ARMCX4: variants seen among roughly 807,000 people sequenced by gnomAD.
ARMCX4 encodes the protein armadillo repeat containing X-linked 4, also known as armadillo repeat-containing X-linked protein 4.
A neutral mutation model predicts 34.7 loss-of-function variants in ARMCX4; 3 were observed. That is an observed-to-expected ratio of 0.09 (90% CI 0.04 to 0.22). ARMCX4 has a LOEUF of 0.22. Among genes scored for constraint, ARMCX4 ranks in the 10% least tolerant of loss-of-function variants. The pLI is 1.00. For missense variants in ARMCX4, 1,448 were observed against 1,720.8 expected (o/e 0.84, Z 2.81); for synonymous variants, 513 against 632.8 (o/e 0.81, Z 2.84).
At chrX:101,528,172 G>A (rs1680437110) in intron 11 of ARMCX4, among the ~76,000 whole-genome samples, 1 of 111,753 alleles carries the variant, frequency 8.9e-6, no homozygotes, top group Admixed American at 9.5e-5. Flanking sequence ...TGCAAGCCTG[G>A]TTCAACATAT....
chrX:101,438,223 C>T (rs1352329000), intron 2 of ARMCX4, among the ~76,000 whole-genome samples: 10 of 111,050 alleles, frequency 9.0e-5, no homozygotes, highest in Non-Finnish European at 1.9e-4. Context: ...TCCTTGTTAA[C>T]TTTCTGTCTC....
Position 101,438,249 on chromosome X carries a change from G to A in ARMCX4, n.165-5803G>A, listed in dbSNP as rs189655530. On this transcript the variant is annotated intron_variant and non_coding_transcript_variant, in intron 2 of 3. Transcript: ENST00000430461. ...TTTCTGTCTCGTTGATCTGTCTAAT[G>A]TTGACAGTGGGGTGTTAAAGTCTCC... Among the ~76,000 whole-genome samples the A allele has an allele frequency of 8.7e-3, 972 of 111,531 alleles. 8 individuals are homozygous for A. Among genetic ancestry groups the A allele is most frequent in the South Asian group, 0.041 (107 of 2,635 alleles).
chrX:101,465,450 C>T (rs1379263160), intron 4 of ARMCX4, among the ~76,000 whole-genome samples: 5 of 111,862 alleles, frequency 4.5e-5, no homozygotes, highest in Admixed American at 9.5e-5. Context: ...AGGGACATTT[C>T]GTAATGATAA....
intron 2 of ARMCX4, among the ~76,000 whole-genome samples, chrX:101,434,415 T>A (rs1930548708): frequency 9.1e-6 from 1 of 110,104 alleles, no homozygotes; most frequent in Non-Finnish European, 1.9e-5. Context: ...GCCTGGCTAA[T>A]TTTTTGTATT....
chrX:101,497,884 C>T (rs1426733379), downstream of ARMCX4, among the ~76,000 whole-genome samples: 1 of 111,858 alleles, frequency 8.9e-6, no homozygotes, highest in African/African-American at 3.3e-5. Context: ...GTGGATTCTA[C>T]CATCTGCTGC....
intron 2 of ARMCX4, among the ~76,000 whole-genome samples, chrX:101,435,700 A>G (rs1412271687): frequency 3.6e-4 from 39 of 108,355 alleles, no homozygotes; most frequent in Non-Finnish European, 5.0e-4. Flanking sequence ...TTGGTGTTTT[A>G]GACATGAAGT....
At chrX:101,467,636 A>G (rs1932816347) in intron 4 of ARMCX4, among the ~76,000 whole-genome samples, 1 of 112,016 alleles carries the variant, frequency 8.9e-6, no homozygotes, top group South Asian at 3.7e-4. Flanking sequence ...GCATCCATCC[A>G]TGATCCTTTT....
upstream of ARMCX4, among the ~76,000 whole-genome samples, chrX:101,482,332 A>C (rs1410755055): frequency 8.9e-6 from 1 of 111,809 alleles, no homozygotes; most frequent in Non-Finnish European, 1.9e-5. Context: ...GGTAACTGTG[A>C]TTTGGGTGAG....
chrX:101,494,086 G>GCTGGGA lies in ARMCX4; in HGVS notation c.5500_5501insGGACTG (p.Ala1833_Glu1834insGlyThr), dbSNP rs1934106837. 1.1e-6 allele frequency: 1 copy of GCTGGGA among 937,459 alleles called. No individual in the cohort carries two copies. Among genetic ancestry groups the GCTGGGA allele is most frequent in the Non-Finnish European group, 1.4e-6 (1 of 708,559 alleles). The allele number at this position is 937,459 out of a possible 1,213,427, so 77.3% of individuals were successfully genotyped here. Reference sequence around the variant, plus strand: ...GGCTGGGGCTGGGGCTGAGGCTGGGGCTGAGGCTGGGGCTGGGGCTGGGGC... The same window carrying GCTGGGA: ...GGCTGGGGCTGGGGCTGAGGCTGGGGCTGGGACTGAGGCTGGGGCTGGGGCTGGGGC... On this transcript the variant is annotated inframe_insertion, in exon 6 of 6. Transcript: ENST00000423738.
intron 2 of ARMCX4, among the ~76,000 whole-genome samples, chrX:101,420,004 C>T (rs1555989748): frequency 1.8e-5 from 2 of 112,248 alleles, no homozygotes; most frequent in Admixed American, 1.9e-4. Context: ...GCGGAAGGCA[C>T]TCTCAGACAG....
intron 2 of ARMCX4, among the ~76,000 whole-genome samples, chrX:101,432,729 C>A (rs782771487): frequency 2.4e-5 from 2 of 84,878 alleles, no homozygotes; most frequent in African/African-American, 7.8e-5. Flanking sequence ...TATGTATATA[C>A]ACATATATAC....
At chrX:101,474,982 G>GAA (rs1224232813) in intron 4 of ARMCX4, among the ~76,000 whole-genome samples, 1,986 of 63,284 alleles carry the variant, frequency 0.031, 79 homozygotes, top group African/African-American at 0.097. Context: ...GGAGAAGGAA[G>GAA]AAAAAAAAAA....
Position 101,494,906 on chromosome X carries a change from C to T in ARMCX4, c.6317C>T (p.Ala2106Val). ...AGTGTTAGGCAGAAGGCTTTAAATG[C>T]ACTGAATAATATCTCAGTGGCTGCT... ...YPSVRQKALN[A>V]LNNISVAAEN... The change falls in exon 6 of 6, where the codon GCA (alanine) becomes GTA (valine). Residue 2106 changes from alanine to valine, a missense_variant. Coordinates refer to ENST00000423738, the MANE Select transcript of ARMCX4 (RefSeq NM_001256155.3). 1 of 1,155,665 alleles carries T rather than the reference C, an allele frequency of 8.7e-7. No homozygotes were observed. Among genetic ancestry groups the T allele is most frequent in the Non-Finnish European group, 1.1e-6 (1 of 872,722 alleles).
Position 101,433,225 on chromosome X carries a change from T to C in ARMCX4, n.165-10827T>C, listed in dbSNP as rs1227842374. ...ATGTGCATATACGCACATATATACATATATGTACACATATGTATATATACA... is the reference window on the plus strand; with the variant it reads ...ATGTGCATATACGCACATATATACACATATGTACACATATGTATATATACA... On this transcript the variant is annotated intron_variant and non_coding_transcript_variant, in intron 2 of 3. Transcript: ENST00000430461. Among the ~76,000 whole-genome samples the C allele has an allele frequency of 2.8e-4, 8 of 28,395 alleles. 2 individuals are homozygous for C. Among genetic ancestry groups the C allele is most frequent in the South Asian group, 3.1e-3 (2 of 644 alleles). The allele number at this position is 28,395 out of a possible 115,157, so 24.7% of individuals were successfully genotyped here.
intron 2 of ARMCX4, among the ~76,000 whole-genome samples, chrX:101,423,709 G>T (rs1463478449): frequency 9.0e-6 from 1 of 111,145 alleles, no homozygotes; most frequent in Non-Finnish European, 1.9e-5. Flanking sequence ...GATTTAGGAC[G>T]GGGGCGCTGG....
At chrX:101,429,463 G>A (rs1929856224) in intron 2 of ARMCX4, among the ~76,000 whole-genome samples, 1 of 106,747 alleles carries the variant, frequency 9.4e-6, no homozygotes. Context: ...AGCCTCCCGA[G>A]TAGCTGGGAC....
chrX:101,532,373 A>T (rs782528592), intron 12 of ARMCX4: 1 of 111,657 alleles, frequency 9.0e-6, no homozygotes, highest in South Asian at 3.8e-4. Context: ...CAGGGAATAA[A>T]GCCATGGTTC....
chrX:101,501,796 A>G (rs1556013695), intron 7 of ARMCX4, among the ~76,000 whole-genome samples: 2 of 112,040 alleles, frequency 1.8e-5, no homozygotes, highest in Non-Finnish European at 3.8e-5. Flanking sequence ...GAGTGTCTTT[A>G]ATAATGAGCA....
chrX:101,506,527 GAGAA>G (rs1481695930), intron 8 of ARMCX4, among the ~76,000 whole-genome samples: 3 of 110,939 alleles, frequency 2.7e-5, no homozygotes, highest in Non-Finnish European at 3.8e-5. Context: ...GAGAGAGAGA[GAGAA>G]AGAGAGAGAG....
Sources: allele counts gnomAD v4.1 joint callset (sites outside exome capture counted in the v4.1 genomes callset), GRCh38; gene constraint gnomAD v4.1.1; transcripts MANE v1.5; gene names NCBI Gene and HGNC (gene_info 2026-07-23, HGNC 2026-07-21).